SLC2A13: variants seen among roughly 807,000 people sequenced by gnomAD.
The protein encoded by SLC2A13 is solute carrier family 2 member 13, also known as proton myo-inositol cotransporter.
Under a neutral mutation model 64.4 loss-of-function variants are expected in SLC2A13, and 32 were observed. The ratio of observed to expected loss-of-function variants is 0.50; its 90% CI spans 0.37 to 0.67. SLC2A13 has a LOEUF of 0.67. Among genes scored for constraint, SLC2A13 ranks in the 30% least tolerant of loss-of-function variants. The probability of loss-of-function intolerance (pLI) is 0.00; values close to 1 mark genes in which losing one functional copy is unlikely to be tolerated. For synonymous variants in SLC2A13, 338 were observed against 327.1 expected (o/e 1.03, Z -0.36); for missense variants, 743 against 829.2 (o/e 0.90, Z 1.28).
At chr12:39,906,268 T>C (rs917560158) in intron 4 of SLC2A13, among the ~76,000 whole-genome samples, 1 of 152,172 alleles carries the variant, frequency 6.6e-6, no homozygotes, top group Non-Finnish European at 1.5e-5. Flanking sequence ...GGCAAATTAC[T>C]ACCTGAATTA....
intron 4 of SLC2A13, chr12:39,949,906 A>T (rs995572640): frequency 1.3e-4 from 20 of 152,208 alleles, no homozygotes; most frequent in African/African-American, 4.6e-4. Context: ...ACAAGTCATG[A>T]TGTGCCAAAT....
intron 4 of SLC2A13, among the ~76,000 whole-genome samples, chr12:39,902,630 A>C (rs1275856196): frequency 1.3e-5 from 2 of 152,130 alleles, no homozygotes; most frequent in African/African-American, 4.8e-5. Context: ...ATGTGTCTAA[A>C]GTAGTTTGAA....
chr12:39,988,691 GAGGAAGGAAGGAAGGAAGGA>G (rs539712670), intron 3 of SLC2A13, among the ~76,000 whole-genome samples: 3,684 of 79,938 alleles, frequency 0.046, 203 homozygotes, highest in African/African-American at 0.15. Context: ...GGGAGGGAGG[GAGGAAGGAAGGAAGGAAGGA>G]AGGAAGGAAG....
At chr12:39,928,944 A>G (rs1377112641) in intron 4 of SLC2A13, among the ~76,000 whole-genome samples, 1 of 152,192 alleles carries the variant, frequency 6.6e-6, no homozygotes, top group East Asian at 1.9e-4. Flanking sequence ...AATCAACAAG[A>G]TGCCTCCCCC....
rs577391511 is a variant in SLC2A13, at chr12:39,933,823, T to A, written c.1034+17434A>T. On this transcript the variant is annotated intron_variant, in intron 4 of 9. Transcript: ENST00000280871. The stretch of plus-strand genomic sequence containing the variant: ...TATCACTCACTGAGATGGGTAAGAA[T>A]GGGGAAAAAACACAACCCTGAAAAG... 7.2e-5 allele frequency among the ~76,000 whole-genome samples: 11 copies of A among 152,110 alleles called. No homozygotes were observed. In the East Asian group the frequency reaches 2.1e-3, roughly 29 times the overall value.
chr12:39,821,364 T>C (rs2135827407), intron 7 of SLC2A13, among the ~76,000 whole-genome samples: 1 of 152,006 alleles, frequency 6.6e-6, no homozygotes, highest in African/African-American at 2.4e-5. Flanking sequence ...GAGCCGAGAT[T>C]GTGCCACTAC....
At chr12:39,839,661 T>C (rs866801573) in intron 6 of SLC2A13, among the ~76,000 whole-genome samples, 2 of 152,094 alleles carry the variant, frequency 1.3e-5, no homozygotes, top group Non-Finnish European at 2.9e-5. Flanking sequence ...CATCTTCATC[T>C]TTTCTTTCTC....
chr12:40,017,893 A>C (rs1450967908), intron 3 of SLC2A13, among the ~76,000 whole-genome samples: 1 of 151,890 alleles, frequency 6.6e-6, no homozygotes, highest in African/African-American at 2.4e-5. Flanking sequence ...ACACGTGGAC[A>C]CAAACATTGA....
At chr12:39,881,320 G>T (rs879069944) in intron 4 of SLC2A13, among the ~76,000 whole-genome samples, 1 of 151,418 alleles carries the variant, frequency 6.6e-6, no homozygotes, top group Admixed American at 6.6e-5. Context: ...TATGAGTGTG[G>T]TTTATGTTAA....
chr12:39,986,699 C>CAA (rs144185678), intron 3 of SLC2A13, among the ~76,000 whole-genome samples: 58 of 138,530 alleles, frequency 4.2e-4, no homozygotes, highest in South Asian at 1.9e-3. Flanking sequence ...TCTTAGCAGA[C>CAA]AAAAAAAAAA....
intron 3 of SLC2A13, among the ~76,000 whole-genome samples, chr12:39,955,419 C>T (rs188464221): frequency 1.1e-4 from 16 of 152,054 alleles, no homozygotes; most frequent in Admixed American, 7.2e-4. Context: ...CGAGTGAAAC[C>T]CAAAGTATGC....
At chr12:39,984,168 G>C (rs147667147) in intron 3 of SLC2A13, among the ~76,000 whole-genome samples, 5 of 151,622 alleles carry the variant, frequency 3.3e-5, no homozygotes, top group African/African-American at 9.7e-5. Flanking sequence ...ATCACAATCT[G>C]GGGACTGTGG....
intron 1 of SLC2A13, among the ~76,000 whole-genome samples, chr12:40,096,346 T>C (rs57966079): frequency 0.023 from 3,474 of 152,216 alleles, 138 homozygotes; most frequent in African/African-American, 0.079. Flanking sequence ...GTATTTTTCT[T>C]GTTGTATACA....
chr12:40,020,657 G>T (rs562834512), intron 3 of SLC2A13, among the ~76,000 whole-genome samples: 5 of 151,926 alleles, frequency 3.3e-5, no homozygotes, highest in African/African-American at 4.8e-5. Context: ...CTAAAGAATG[G>T]CTCCTGTGCC....
At chr12:39,809,777 G>A (rs968757833) in intron 7 of SLC2A13, among the ~76,000 whole-genome samples, 1 of 152,020 alleles carries the variant, frequency 6.6e-6, no homozygotes, top group Non-Finnish European at 1.5e-5. Flanking sequence ...TTGTCCTTGC[G>A]ATAGTTTGCT....
rs554607684 is a variant in SLC2A13 at position 39,802,767 on chromosome 12, ATAGATG to A, written c.1445+27330_1445+27335del. 4.2e-3 allele frequency among the ~76,000 whole-genome samples: 641 copies of A among 152,340 alleles called. 3 individuals carry two copies. Among genetic ancestry groups the A allele is most frequent in the African/African-American group, 0.014 (590 of 41,582 alleles). ...GATAGATATGAATATGTAACCATATATAGATGTAGATATGGATATGTAACTATATCT... is the reference window on the plus strand; with the variant it reads ...GATAGATATGAATATGTAACCATATATAGATATGGATATGTAACTATATCT... On this transcript the variant is annotated intron_variant, in intron 7 of 9. Coordinates refer to ENST00000280871, the MANE Select transcript of SLC2A13 (RefSeq NM_052885.4).
intron 1 of SLC2A13, among the ~76,000 whole-genome samples, chr12:40,080,238 C>T (rs1040068976): frequency 1.1e-4 from 16 of 152,152 alleles, no homozygotes; most frequent in African/African-American, 3.6e-4. Context: ...GCTCTGTTTG[C>T]TTGATAGATC....
At chr12:40,087,210 C>T (rs1293476553) in intron 1 of SLC2A13, among the ~76,000 whole-genome samples, 2 of 152,166 alleles carry the variant, frequency 1.3e-5, no homozygotes, top group East Asian at 3.9e-4. Flanking sequence ...AGGTAATCAC[C>T]TATTTGGCTT....
chr12:40,055,477 A>C (rs1464979936), intron 1 of SLC2A13, among the ~76,000 whole-genome samples: 1 of 152,220 alleles, frequency 6.6e-6, no homozygotes, highest in East Asian at 1.9e-4. Flanking sequence ...TGTCTCTCCA[A>C]GCAGGACTAC....
Sources: allele counts gnomAD v4.1 joint callset (sites outside exome capture counted in the v4.1 genomes callset), GRCh38; gene constraint gnomAD v4.1.1; transcripts MANE v1.5; gene names NCBI Gene and HGNC (gene_info 2026-07-23, HGNC 2026-07-21).